The following NINJ2 variants were observed in gnomAD, a reference collection of about 807,000 sequenced individuals.
NINJ2 encodes ninjurin-2.
NINJ2 carries 12 observed loss-of-function variants against 11.7 expected under a neutral mutation model. That is an observed-to-expected ratio of 1.02 (90% CI 0.66 to 1.66). NINJ2 has a LOEUF of 1.66. NINJ2 is among the 40% of genes most tolerant of loss of function. The pLI, the probability that NINJ2 is intolerant of heterozygous loss-of-function variation, is 0.00. For missense variants in NINJ2, 187 were observed against 181.8 expected (o/e 1.03, Z -0.16); for synonymous variants, 93 against 76.8 (o/e 1.21, Z -1.10).
chr12:600,000 C>T (rs1278662345), intron 1 of NINJ2, among the ~76,000 whole-genome samples: 2 of 152,228 alleles, frequency 1.3e-5, no homozygotes, highest in East Asian at 3.8e-4. Context: ...CCTCCCCTGC[C>T]TGGTTTCTGA....
At chr12:610,588 CTG>C (rs1312946740) in intron 1 of NINJ2, 101 of 985,300 alleles carry the variant, frequency 1.0e-4, no homozygotes, top group Non-Finnish European at 1.2e-4. Context: ...CTGAGCGACT[CTG>C]TTCAGCCCAG....
intron 1 of NINJ2, among the ~76,000 whole-genome samples, chr12:577,448 T>TATATACATATATATATGTGTA: frequency 7.0e-6 from 1 of 141,944 alleles, no homozygotes; most frequent in Non-Finnish European, 1.5e-5. Context: ...TATATAAATA[T>TATATACATATATATATGTGTA]TTTGGCACGA....
chr12:594,623 AT>A (rs1400404109), intron 1 of NINJ2, among the ~76,000 whole-genome samples: 1 of 151,984 alleles, frequency 6.6e-6, no homozygotes, highest in East Asian at 1.9e-4. Context: ...TCCCATCTCA[AT>A]TTTTTTTAAA....
At chr12:660,089 AG>A (rs534429278) in intron 1 of NINJ2, among the ~76,000 whole-genome samples, 57 of 152,024 alleles carry the variant, frequency 3.7e-4, no homozygotes, top group African/African-American at 1.2e-3. Flanking sequence ...GTTAGAGACC[AG>A]CCTGGGCAAT....
chr12:593,595 G>C (rs1232326308), intron 1 of NINJ2, among the ~76,000 whole-genome samples: 2 of 152,068 alleles, frequency 1.3e-5, no homozygotes, highest in African/African-American at 4.8e-5. Context: ...CAGGCCTGTA[G>C]TTCCAGCTAC....
intron 1 of NINJ2, among the ~76,000 whole-genome samples, chr12:616,184 G>A (rs1948089308): frequency 6.6e-6 from 1 of 152,194 alleles, no homozygotes. Flanking sequence ...AAGTCCTATA[G>A]TCAGGAAAAC....
At position 580,820 on chromosome 12, in the gene NINJ2, GTGTGTGTCTGTGTGTATGCA is replaced by G. The variant is rs1246754690; in HGVS notation, c.34-14662_34-14643del. Among the ~76,000 whole-genome samples the G allele has an allele frequency of 2.6e-5, 4 of 151,666 alleles. No homozygotes were observed. Among genetic ancestry groups the G allele is most frequent in the African/African-American group, 4.9e-5 (2 of 41,216 alleles). ...TGTGTGTGTGTGTCTGTGTGTATGCGTGTGTGTCTGTGTGTATGCATGTGTGTCTGTGTGTGCATGAGTGT... is the reference window on the plus strand; with the variant it reads ...TGTGTGTGTGTGTCTGTGTGTATGCGTGTGTGTCTGTGTGTGCATGAGTGT... On this transcript the variant is annotated intron_variant, in intron 1 of 3. Coordinates refer to ENST00000305108, the MANE Select transcript of NINJ2 (RefSeq NM_016533.6). The surrounding 1 kb of genome is among the most constrained non-coding windows in gnomAD (Gnocchi z 4.7).
Position 632,978 on chromosome 12 carries a change from T to C in NINJ2, c.33+30350A>G, listed in dbSNP as rs542972631. 4.6e-5 allele frequency among the ~76,000 whole-genome samples: 7 copies of C among 152,320 alleles called. No individual in the cohort carries two copies. In the South Asian group the frequency reaches 1.5e-3, roughly 32 times the overall value. On this transcript the variant is annotated intron_variant, in intron 1 of 3. Transcript: ENST00000305108. ...AAAAGGTTAGTGGGCCGGGTTGAGCTTGGGCAAGATCTCACAAGATCTTAG... is the reference window on the plus strand; with the variant it reads ...AAAAGGTTAGTGGGCCGGGTTGAGCCTGGGCAAGATCTCACAAGATCTTAG...
At chr12:595,838 T>C (rs1947777555) in intron 1 of NINJ2, among the ~76,000 whole-genome samples, 2 of 152,102 alleles carry the variant, frequency 1.3e-5, no homozygotes, top group South Asian at 4.1e-4. Context: ...ACAATCAGAA[T>C]ATGAACCTGA....
chr12:579,214 AGACC>A (rs1947511907), intron 1 of NINJ2, among the ~76,000 whole-genome samples: 1 of 152,226 alleles, frequency 6.6e-6, no homozygotes, highest in African/African-American at 2.4e-5. Flanking sequence ...CGTCCAGGTG[AGACC>A]TCATGAAGTA....
rs568698656 is a variant in NINJ2 at position 631,298 on chromosome 12, A to G, written c.33+32030T>C. On this transcript the variant is annotated intron_variant, in intron 1 of 3. Coordinates refer to ENST00000305108, the MANE Select transcript of NINJ2 (RefSeq NM_016533.6). ...ATGACCCCTGGGGTATGTTCCAGAC[A>G]TGCGTGGGCATCTGCGAATTTACTC... 3.3e-5 allele frequency among the ~76,000 whole-genome samples: 5 copies of G among 152,322 alleles called. No homozygotes were observed. The South Asian group carries it at 8.3e-4, about 25-fold the overall frequency.
At chr12:615,573 G>A (rs1386486032) in intron 1 of NINJ2, among the ~76,000 whole-genome samples, 2 of 152,116 alleles carry the variant, frequency 1.3e-5, no homozygotes, top group African/African-American at 4.8e-5. Context: ...CGGGCGACAA[G>A]AGCGAAACTC....
rs146837015 is a variant in NINJ2 at position 599,326 on chromosome 12, G to A, written c.34-33148C>T. ...TTGAACGCGGGAGGCGGAGGTTGCA[G>A]TGAGCCGAGATTGCGCCGTCGCACT... On this transcript the variant is annotated intron_variant, in intron 1 of 3. Coordinates refer to ENST00000305108, the MANE Select transcript of NINJ2 (RefSeq NM_016533.6). 6.9e-4 allele frequency among the ~76,000 whole-genome samples: 105 copies of A among 152,282 alleles called. 2 individuals carry two copies. Among genetic ancestry groups the A allele is most frequent in the East Asian group, 6.8e-3 (35 of 5,140 alleles).
At chr12:648,560 T>A (rs1937732212) in intron 1 of NINJ2, among the ~76,000 whole-genome samples, 1 of 152,180 alleles carries the variant, frequency 6.6e-6, no homozygotes. Flanking sequence ...TTCATGAGTG[T>A]TCTTTGCTCT....
chr12:659,346 C>T (rs767075585), intron 1 of NINJ2, among the ~76,000 whole-genome samples: 16 of 152,060 alleles, frequency 1.1e-4, no homozygotes, highest in Admixed American at 6.6e-5. Flanking sequence ...ACTGGATCTG[C>T]CTGGGGAATC....
At chr12:616,089 G>A (rs1016505176) in intron 1 of NINJ2, among the ~76,000 whole-genome samples, 2 of 152,182 alleles carry the variant, frequency 1.3e-5, no homozygotes, top group Admixed American at 6.5e-5. Context: ...GAAGGTAAAG[G>A]ACTGGTTCAA....
chr12:592,578 T>C (rs1003332502), intron 1 of NINJ2, among the ~76,000 whole-genome samples: 2 of 152,162 alleles, frequency 1.3e-5, no homozygotes, highest in African/African-American at 2.4e-5. Context: ...CGCATGCCTG[T>C]AATCCCAGCT....
intron 1 of NINJ2, among the ~76,000 whole-genome samples, chr12:587,244 C>T (rs760947363): frequency 6.6e-6 from 1 of 152,114 alleles, no homozygotes; most frequent in Non-Finnish European, 1.5e-5. Context: ...GGGCTGCAAA[C>T]GGGGAGGTCT....
rs182800568 is a variant in NINJ2 at position 661,151 on chromosome 12, T to C, written c.33+2177A>G. On this transcript the variant is annotated intron_variant, in intron 1 of 3. Coordinates refer to ENST00000305108, the MANE Select transcript of NINJ2 (RefSeq NM_016533.6). ...TGGAGTGCAATGGCATGATTGTAGC[T>C]CACTGCAACCTTGAACTCCTGGCTT... Among the ~76,000 whole-genome samples the C allele has an allele frequency of 9.3e-4, 141 of 152,304 alleles. 1 individual carries two copies. The highest frequency in any genetic ancestry group is 3.3e-3 in the African/African-American group (137 of 41,570).
Sources: allele counts gnomAD v4.1 joint callset (sites outside exome capture counted in the v4.1 genomes callset), GRCh38; gene constraint gnomAD v4.1.1; non-coding constraint Gnocchi (gnomAD v3.1); transcripts MANE v1.5; gene names NCBI Gene and HGNC (gene_info 2026-07-23, HGNC 2026-07-21).